The following NADK2 variants were observed in gnomAD, a reference collection of about 807,000 sequenced individuals.
The protein encoded by NADK2 is NAD kinase domain-containing protein 1, mitochondrial.
NADK2 carries 35 observed loss-of-function variants against 62.1 expected under a neutral mutation model. The observed-to-expected ratio is 0.56, with a 90% CI of 0.43 to 0.75. The LOEUF is 0.75. Among genes scored for constraint, NADK2 ranks in the 30% least tolerant of loss-of-function variants. The pLI is 0.00. For synonymous variants in NADK2, 205 were observed against 207.9 expected (o/e 0.99, Z 0.12); for missense variants, 439 against 561.3 (o/e 0.78, Z 2.20).
intron 6 of NADK2, among the ~76,000 whole-genome samples, chr5:36,213,729 C>CA (rs1746941515): frequency 6.6e-6 from 1 of 150,820 alleles, no homozygotes; most frequent in Non-Finnish European, 1.5e-5. Flanking sequence ...TCATTCTTGA[C>CA]AGTTTTACAA....
At chr5:36,228,796 T>A (rs537986697) in intron 1 of NADK2, among the ~76,000 whole-genome samples, 26 of 151,384 alleles carry the variant, frequency 1.7e-4, no homozygotes, top group African/African-American at 6.1e-4. Flanking sequence ...TTTATTTTAT[T>A]TTTTTTTTTG....
intron 11 of NADK2, among the ~76,000 whole-genome samples, chr5:36,195,656 T>C (rs1180943525): frequency 6.6e-6 from 1 of 151,992 alleles, no homozygotes; most frequent in African/African-American, 2.4e-5. Flanking sequence ...TACAGAAGAG[T>C]TGGGTACATG....
At chr5:36,223,708 G>A (rs1230708556) in intron 4 of NADK2, among the ~76,000 whole-genome samples, 2 of 152,110 alleles carry the variant, frequency 1.3e-5, no homozygotes, top group African/African-American at 4.8e-5. Context: ...CAACGTCAAT[G>A]AACTGGTTGG....
chr5:36,223,203 C>T (rs1023474678), intron 4 of NADK2, among the ~76,000 whole-genome samples: 96 of 151,904 alleles, frequency 6.3e-4, no homozygotes, highest in African/African-American at 2.2e-3. Flanking sequence ...AGATTTTACC[C>T]TAAGTTAGAT....
intron 1 of NADK2, 61 bp from the exon 2 acceptor site, chr5:36,227,626 TTA>T (rs1747532929): frequency 3.3e-6 from 3 of 904,318 alleles, no homozygotes; most frequent in Non-Finnish European, 3.1e-6. Context: ...TGTTCTAATA[TTA>T]TGATTTTTAA....
At chr5:36,227,027 G>A (rs771117462) in intron 2 of NADK2, among the ~76,000 whole-genome samples, 12 of 152,050 alleles carry the variant, frequency 7.9e-5, no homozygotes, top group African/African-American at 1.9e-4. Context: ...TTTGTAATTC[G>A]CATGTTTCTC....
intron 5 of NADK2, among the ~76,000 whole-genome samples, chr5:36,218,411 T>C (rs532198956): frequency 6.6e-6 from 1 of 152,246 alleles, no homozygotes; most frequent in African/African-American, 2.4e-5. Flanking sequence ...AAAAAAACAA[T>C]CAGGTTTAAT....
chr5:36,215,885 G>A (rs1352948840), intron 6 of NADK2, among the ~76,000 whole-genome samples: 1 of 152,082 alleles, frequency 6.6e-6, no homozygotes, highest in Non-Finnish European at 1.5e-5. Flanking sequence ...ATTGTGAATA[G>A]GGCGGCATCA....
intron 11 of NADK2, among the ~76,000 whole-genome samples, chr5:36,195,914 C>CCA (rs1679269107): frequency 1.3e-5 from 2 of 152,290 alleles, no homozygotes; most frequent in East Asian, 3.9e-4. Flanking sequence ...CACAGTGGTG[C>CCA]CTGTCTTTTC....
chr5:36,200,352 AAG>A (rs1746394241), intron 9 of NADK2, 72 bp from the exon 10 acceptor site: 2 of 940,766 alleles, frequency 2.1e-6, no homozygotes, highest in Admixed American at 3.2e-5. Flanking sequence ...TTCCTTGAAA[AAG>A]GGGGAAAAAT....
At chr5:36,215,726 C>G (rs1416053529) in intron 6 of NADK2, among the ~76,000 whole-genome samples, 1 of 152,164 alleles carries the variant, frequency 6.6e-6, no homozygotes, top group African/African-American at 2.4e-5. Flanking sequence ...ACTTATTTCG[C>G]TTCACATAGT....
At position 36,241,455 on chromosome 5, in the gene NADK2, C is replaced by T; in HGVS notation, c.300+44G>A. ...GAGGGGGCGCAGCCGCCACCAGAGC[C>T]CCGGCCGAGCCCGGGAGCGAAGCGG... is the stretch of plus-strand genomic sequence containing the variant. On this transcript the variant is annotated intron_variant, in intron 1 of 11. Coordinates refer to ENST00000381937, the MANE Select transcript of NADK2 (RefSeq NM_001085411.3). The surrounding 1 kb of genome is among the most constrained non-coding windows in gnomAD (Gnocchi z 4.9). The T allele has an allele frequency of 6.7e-7, 1 of 1,494,138 alleles. No individual in the cohort carries two copies. Among genetic ancestry groups the T allele is most frequent in the South Asian group, 1.2e-5 (1 of 82,180 alleles). The allele number at this position is 1,494,138 out of a possible 1,614,324, so 92.6% of individuals were successfully genotyped here.
chr5:36,199,081 T>C (rs1301732489), intron 10 of NADK2, among the ~76,000 whole-genome samples: 1 of 151,764 alleles, frequency 6.6e-6, no homozygotes, highest in East Asian at 1.9e-4. Flanking sequence ...GGAATAGCAT[T>C]AGGAGATATA....
rs4869629 is a variant in NADK2, at chr5:36,232,255, G to A, written c.301-4690C>T. 0.012 allele frequency among the ~76,000 whole-genome samples: 1,854 copies of A among 152,160 alleles called. 157 individuals are homozygous for A. In the East Asian group the frequency reaches 0.21, roughly 18 times the overall value. On this transcript the variant is annotated intron_variant, in intron 1 of 11. Transcript: ENST00000381937. ...TTACTTATCTAAAACTAAATTTATT[G>A]CAATTACAAATTTTTAAGACTTGTT...
At chr5:36,238,417 C>A (rs890527668) in intron 1 of NADK2, among the ~76,000 whole-genome samples, 15 of 152,144 alleles carry the variant, frequency 9.9e-5, no homozygotes, top group African/African-American at 3.6e-4. Flanking sequence ...GTTGTGAGAC[C>A]TGGAATGATG....
At chr5:36,202,156 A>C (rs570026461) in intron 8 of NADK2, among the ~76,000 whole-genome samples, 37 of 152,168 alleles carry the variant, frequency 2.4e-4, no homozygotes, top group African/African-American at 2.9e-4. Context: ...GAGAAATGCA[A>C]AAACATGAGA....
chr5:36,209,263 C>T (rs989926167), intron 7 of NADK2, among the ~76,000 whole-genome samples: 4 of 152,044 alleles, frequency 2.6e-5, no homozygotes, highest in African/African-American at 7.2e-5. Context: ...ATTACTGCCA[C>T]AGAAAATAAA....
chr5:36,241,661 G>A lies in NADK2; in HGVS notation c.138C>T (p.His46=). 8.0e-7 allele frequency: 1 copy of A among 1,246,700 alleles called. No homozygotes were observed. 77.2% of individuals were successfully genotyped at this position (1,246,700 alleles called of 1,614,324 possible). The part of the protein sequence containing the change: ...RLGGDGGGRR[H]LGQGQPRELA... ...GCTCGCGCGGCTGCCCCTGCCCCAGGTGCCGCCGGCCGCCACCGTCACCGC... is the reference window on the plus strand; with the variant it reads ...GCTCGCGCGGCTGCCCCTGCCCCAGATGCCGCCGGCCGCCACCGTCACCGC... Residue 46 remains histidine, a synonymous_variant, in exon 1 of 12, where the codon CAC becomes CAT. Transcript: ENST00000381937. The surrounding 1 kb of genome is among the most constrained non-coding windows in gnomAD (Gnocchi z 4.9).
At chr5:36,217,956 A>G in intron 5 of NADK2, 72 bp from the exon 6 acceptor site, 1 of 1,388,538 alleles carries the variant, frequency 7.2e-7, no homozygotes, top group Non-Finnish European at 9.8e-7. Context: ...ATAATAATTT[A>G]ACCAAATTAA....
Sources: allele counts gnomAD v4.1 joint callset (sites outside exome capture counted in the v4.1 genomes callset), GRCh38; gene constraint gnomAD v4.1.1; non-coding constraint Gnocchi (gnomAD v3.1); transcripts MANE v1.5; gene names NCBI Gene and HGNC (gene_info 2026-07-23, HGNC 2026-07-21).